The following ASAH2B variants were observed in gnomAD, a reference collection of about 807,000 sequenced individuals.
ASAH2B encodes N-acylsphingosine amidohydrolase 2B, also known as putative inactive neutral ceramidase B.
A neutral mutation model predicts 2.9 loss-of-function variants in ASAH2B; 1 was observed. The observed-to-expected ratio is 0.34, with a 90% CI of 0.12 to 1.63. ASAH2B has a LOEUF of 1.63. ASAH2B is among the 40% of genes most tolerant of loss of function. The pLI, the probability that ASAH2B is intolerant of heterozygous loss-of-function variation, is 0.36. For missense variants in ASAH2B, 9 were observed against 37.7 expected (o/e 0.24, Z 1.99); for synonymous variants, 4 against 13.3 (o/e 0.30, Z 1.52).
chr10:50,753,882 T>C (rs1424590194), intron 5 of ASAH2B, among the ~76,000 whole-genome samples: 1 of 96,752 alleles, frequency 1.0e-5, no homozygotes, highest in African/African-American at 4.0e-5. Flanking sequence ...CTTGTTAGAA[T>C]GTTTTTTCCT....
rs948642089 is a variant in ASAH2B, at chr10:50,759,035, G to T, written c.*4295G>T. The T allele has an allele frequency of 6.6e-6, 1 of 150,880 alleles. No homozygotes were observed. The allele number at this position is 150,880 out of a possible 1,614,324, so 9.3% of individuals were successfully genotyped here. On this transcript the variant is annotated 3_prime_UTR_variant, in exon 6 of 6. Coordinates refer to ENST00000647317, the MANE Select transcript of ASAH2B (RefSeq NM_001321958.2). The stretch of plus-strand genomic sequence containing the variant: ...AGTTTGTGTTTGTGTTTGTGTACTG[G>T]GCAAATAGACTATTCCATGTAGAGG...
chr10:50,755,854 G>A lies in ASAH2B; in HGVS notation c.*1114G>A, dbSNP rs1363973434. ...ATAATCGATTTAATATGTAAATTCTGGGGAGGCATTTAAAAAATCAGTAAT... is the reference window on the plus strand; with the variant it reads ...ATAATCGATTTAATATGTAAATTCTAGGGAGGCATTTAAAAAATCAGTAAT... On this transcript the variant is annotated 3_prime_UTR_variant, in exon 6 of 6. Coordinates refer to ENST00000647317, the MANE Select transcript of ASAH2B (RefSeq NM_001321958.2). The A allele has an allele frequency of 6.6e-6, 1 of 151,756 alleles. No homozygotes were observed. Among genetic ancestry groups the A allele is most frequent in the African/African-American group, 2.4e-5 (1 of 41,396 alleles). 9.4% of individuals were successfully genotyped at this position (151,756 alleles called of 1,614,324 possible).
intron 1 of ASAH2B, among the ~76,000 whole-genome samples, chr10:50,741,688 G>A (rs933437149): frequency 3.9e-5 from 6 of 152,136 alleles, no homozygotes; most frequent in African/African-American, 7.2e-5. Flanking sequence ...GTAAGTATGC[G>A]GAGGGTGATG....
intron 3 of ASAH2B, among the ~76,000 whole-genome samples, chr10:50,748,969 A>G (rs1309884724): frequency 6.6e-6 from 1 of 151,986 alleles, no homozygotes; most frequent in Non-Finnish European, 1.5e-5. Flanking sequence ...AAATGTAAGC[A>G]TAAATATGAG....
chr10:50,741,502 T>C (rs1468422253), intron 1 of ASAH2B, among the ~76,000 whole-genome samples: 1 of 152,200 alleles, frequency 6.6e-6, no homozygotes, highest in African/African-American at 2.4e-5. Context: ...CAGCCCAGAC[T>C]GGGTATTTGA....
chr10:50,747,838 T>C (rs1012885332), intron 3 of ASAH2B, among the ~76,000 whole-genome samples: 2 of 151,832 alleles, frequency 1.3e-5, no homozygotes, highest in African/African-American at 4.8e-5. Context: ...TGAGGGATAT[T>C]TTTAGTTTTC....
chr10:50,744,893 A>G (rs967044001), intron 2 of ASAH2B, among the ~76,000 whole-genome samples: 12 of 151,550 alleles, frequency 7.9e-5, no homozygotes, highest in Non-Finnish European at 1.5e-4. Context: ...CTAGGGGAAT[A>G]AAAGAGTTGC....
Position 50,757,164 on chromosome 10 carries a change from T to C in ASAH2B, c.*2424T>C, listed in dbSNP as rs1291807381. Reference sequence around the variant, plus strand: ...CAATATTCAATGGATTATTTAATAATAAATTAAGAATTACACTCATAAAAG... The same window carrying C: ...CAATATTCAATGGATTATTTAATAACAAATTAAGAATTACACTCATAAAAG... On this transcript the variant is annotated 3_prime_UTR_variant, in exon 6 of 6. Coordinates refer to ENST00000647317, the MANE Select transcript of ASAH2B (RefSeq NM_001321958.2). 1 of 151,472 alleles carries C rather than the reference T, an allele frequency of 6.6e-6. No homozygotes were observed. Among genetic ancestry groups the C allele is most frequent in the Non-Finnish European group, 1.5e-5 (1 of 67,688 alleles). 9.4% of individuals were successfully genotyped at this position (151,472 alleles called of 1,614,324 possible). A position where few individuals can be genotyped will look rare whatever the true frequency, so the allele number is the denominator to read the frequency against.
chr10:50,740,120 A>G (rs4497350), intron 1 of ASAH2B, 137 bp downstream of exon 1: 94,748 of 151,992 alleles, frequency 0.62, 33,600 homozygotes, highest in East Asian at 0.9. Context: ...AGCATATTTC[A>G]CCTTTAACGG....
intron 3 of ASAH2B, among the ~76,000 whole-genome samples, chr10:50,748,867 A>G (rs1839945264): frequency 6.6e-6 from 1 of 151,480 alleles, no homozygotes; most frequent in Admixed American, 6.6e-5. Flanking sequence ...ATTGTTTAAT[A>G]TATATTTTTT....
At chr10:50,743,133 ACCTTT>A (rs1839858054) in intron 2 of ASAH2B, 123 bp downstream of exon 2, 1 of 975,516 alleles carries the variant, frequency 1.0e-6, no homozygotes, top group Admixed American at 2.2e-5. Context: ...CAGTTTGACA[ACCTTT>A]ATATTTTACA....
intron 3 of ASAH2B, among the ~76,000 whole-genome samples, chr10:50,746,348 C>A (rs1247795147): frequency 3.3e-5 from 5 of 151,446 alleles, no homozygotes; most frequent in Non-Finnish European, 5.9e-5. Flanking sequence ...TTATTTATGA[C>A]TGAATAGTAT....
chr10:50,749,821 ATACT>A (rs1277301504), intron 4 of ASAH2B, among the ~76,000 whole-genome samples: 2 of 140,728 alleles, frequency 1.4e-5, no homozygotes, highest in Non-Finnish European at 3.1e-5. Context: ...AGATACACAA[ATACT>A]TACCATTGTG....
Position 50,754,729 on chromosome 10 carries a change from G to A in ASAH2B, c.472G>A (p.Val158Ile), listed in dbSNP as rs1837043583. The A allele has an allele frequency of 3.6e-6, 1 of 280,320 alleles. No individual in the cohort carries two copies. Among genetic ancestry groups the A allele is most frequent in the Admixed American group, 9.0e-5 (1 of 11,170 alleles). The allele number at this position is 280,320 out of a possible 1,614,324, so 17.4% of individuals were successfully genotyped here. The part of the protein sequence containing the change: ...FEGTSPAFEV[V>I]TI ...AGGCACTTCCCCGGCTTTTGAAGTTGTAACTATTTAGTGAAAAGTTGATAG... is the reference window on the plus strand; with the variant it reads ...AGGCACTTCCCCGGCTTTTGAAGTTATAACTATTTAGTGAAAAGTTGATAG... The change falls in exon 6 of 6, where the codon GTA becomes ATA. Residue 158 changes from valine (V) to isoleucine (I), a missense_variant. Transcript: ENST00000647317.
intron 1 of ASAH2B, among the ~76,000 whole-genome samples, chr10:50,740,216 C>T (rs990804794): frequency 2.6e-5 from 4 of 152,096 alleles, no homozygotes; most frequent in Non-Finnish European, 5.9e-5. Flanking sequence ...CGGGAGACGT[C>T]GTTTCCTGGC....
At chr10:50,742,210 G>C (rs1305101192) in intron 1 of ASAH2B, among the ~76,000 whole-genome samples, 1 of 152,164 alleles carries the variant, frequency 6.6e-6, no homozygotes. Flanking sequence ...AGTAAGACAG[G>C]AAAATGAAAG....
chr10:50,747,471 T>A (rs1839924869), intron 3 of ASAH2B, among the ~76,000 whole-genome samples: 1 of 151,610 alleles, frequency 6.6e-6, no homozygotes, highest in South Asian at 2.1e-4. Flanking sequence ...CAATGTCAAA[T>A]AGAAGTTGTG....
chr10:50,743,146 A>T (rs78477210), intron 2 of ASAH2B, 136 bp downstream of exon 2: 3 of 879,106 alleles, frequency 3.4e-6, no homozygotes, highest in Non-Finnish European at 5.4e-6. Flanking sequence ...TTTATATTTT[A>T]CAAAATTTAT....
intron 1 of ASAH2B, among the ~76,000 whole-genome samples, chr10:50,740,772 T>C (rs79645576): frequency 0.097 from 14,695 of 152,224 alleles, 757 homozygotes; most frequent in African/African-American, 0.14. Context: ...AACTCACTAA[T>C]TCAGTGATTA....
Sources: gnomAD v4.1 joint callset for allele counts (sites outside exome capture counted in the v4.1 genomes callset) on GRCh38, gnomAD v4.1.1 for gene constraint, MANE v1.5 for transcripts, NCBI Gene and HGNC (gene_info 2026-07-23, HGNC 2026-07-21) for gene names.